Variants in MEI4 observed in about 807,000 individuals in gnomAD.
The protein encoded by MEI4 is meiotic double-stranded break formation protein 4.
A neutral mutation model predicts 31.4 loss-of-function variants in MEI4; 27 were observed. That is an observed-to-expected ratio of 0.86 (90% CI 0.63 to 1.19). The LOEUF (loss-of-function observed/expected upper bound fraction) is 1.19, where lower values mean the gene tolerates loss of function less well. MEI4 is among the 50% of genes most tolerant of loss of function. The pLI is 0.00. For synonymous variants in MEI4, 122 were observed against 145.4 expected (o/e 0.84, Z 1.16); for missense variants, 329 against 398.9 (o/e 0.82, Z 1.49).
intron 3 of MEI4, among the ~76,000 whole-genome samples, chr6:77,809,403 A>C (rs1769516380): frequency 6.6e-6 from 1 of 152,152 alleles, no homozygotes; most frequent in African/African-American, 2.4e-5. Flanking sequence ...TTTTATTTTC[A>C]AACAGATGGG....
At chr6:77,843,952 A>G (rs1488054344) in intron 4 of MEI4, among the ~76,000 whole-genome samples, 2 of 152,086 alleles carry the variant, frequency 1.3e-5, no homozygotes, top group East Asian at 1.9e-4. Context: ...AATGAGTTTA[A>G]TGGGTTTGAA....
intron 3 of MEI4, among the ~76,000 whole-genome samples, chr6:77,799,861 C>T (rs191152951): frequency 6.6e-6 from 1 of 151,872 alleles, no homozygotes; most frequent in African/African-American, 2.4e-5. Context: ...TATATCTCTG[C>T]TTTGGTACTG....
upstream of MEI4, among the ~76,000 whole-genome samples, chr6:77,651,208 G>A (rs752231799): frequency 1.7e-4 from 26 of 152,280 alleles, no homozygotes; most frequent in Admixed American, 5.9e-4. Flanking sequence ...AAAAATAAAG[G>A]CAAGAGTGAG....
At chr6:77,867,459 T>G (rs530539169) in intron 4 of MEI4, among the ~76,000 whole-genome samples, 9 of 152,218 alleles carry the variant, frequency 5.9e-5, no homozygotes, top group African/African-American at 2.2e-4. Context: ...AAAAGATACA[T>G]GAAAAAATGC....
At chr6:77,689,497 G>T (rs1241658456) in intron 1 of MEI4, among the ~76,000 whole-genome samples, 5 of 151,806 alleles carry the variant, frequency 3.3e-5, no homozygotes, top group African/African-American at 4.8e-5. Context: ...CAGATAGTTA[G>T]TTACACATCG....
At position 77,747,061 on chromosome 6, in the gene MEI4, C is replaced by T. The variant is rs1767628824; in HGVS notation, c.233-14069C>T. On this transcript the variant is annotated intron_variant, in intron 2 of 4. Transcript: ENST00000684080. ...GTGCGGTGGCTCATGTCTGTAATCCCAGTACTTTGGGAGGCTGAGGCGGGC... is the reference window on the plus strand; with the variant it reads ...GTGCGGTGGCTCATGTCTGTAATCCTAGTACTTTGGGAGGCTGAGGCGGGC... 1.3e-5 allele frequency among the ~76,000 whole-genome samples: 2 copies of T among 152,160 alleles called. 1 individual carries two copies. The highest frequency in any genetic ancestry group is 4.2e-4 in the South Asian group (2 of 4,812).
chr6:77,674,857 C>G (rs1302746064), intron 1 of MEI4, among the ~76,000 whole-genome samples: 1 of 152,004 alleles, frequency 6.6e-6, no homozygotes, highest in African/African-American at 2.4e-5. Flanking sequence ...CTATACATTT[C>G]TTTATACTTT....
chr6:77,756,326 C>T (rs1190736786), intron 2 of MEI4, among the ~76,000 whole-genome samples: 1 of 151,842 alleles, frequency 6.6e-6, no homozygotes, highest in Non-Finnish European at 1.5e-5. Flanking sequence ...TTTTTCTCTT[C>T]TAAGGACACA....
At chr6:77,735,507 G>T (rs939836189) in intron 2 of MEI4, among the ~76,000 whole-genome samples, 1 of 151,890 alleles carries the variant, frequency 6.6e-6, no homozygotes, top group African/African-American at 2.4e-5. Context: ...GCACTTCTCT[G>T]TATTGGTTAT....
intron 2 of MEI4, among the ~76,000 whole-genome samples, chr6:77,748,534 A>C (rs1767675079): frequency 6.6e-6 from 1 of 152,178 alleles, no homozygotes; most frequent in South Asian, 2.1e-4. Flanking sequence ...GGCCTAGCCC[A>C]GGAAGCCATT....
chr6:77,784,380 C>T (rs1352942691), intron 3 of MEI4, among the ~76,000 whole-genome samples: 3 of 152,208 alleles, frequency 2.0e-5, no homozygotes, highest in East Asian at 3.9e-4. Flanking sequence ...GACACTGTAT[C>T]GAGCAGGCAT....
intron 2 of MEI4, among the ~76,000 whole-genome samples, chr6:77,740,060 C>G (rs974464029): frequency 1.3e-5 from 2 of 152,020 alleles, no homozygotes; most frequent in African/African-American, 4.8e-5. Flanking sequence ...ATTATTTACC[C>G]CAAAGTCATT....
intron 4 of MEI4, among the ~76,000 whole-genome samples, chr6:77,841,735 A>T (rs1010386600): frequency 6.6e-6 from 1 of 152,184 alleles, no homozygotes; most frequent in Non-Finnish European, 1.5e-5. Context: ...TTAATAATTT[A>T]AAATAATGTA....
intron 4 of MEI4, among the ~76,000 whole-genome samples, chr6:77,882,435 G>A (rs2127728986): frequency 6.6e-6 from 1 of 152,268 alleles, no homozygotes; most frequent in East Asian, 1.9e-4. Context: ...GGCAATGCAA[G>A]CATATTGAGT....
intron 3 of MEI4, among the ~76,000 whole-genome samples, chr6:77,794,708 GA>G (rs35639379): frequency 0.17 from 25,695 of 148,558 alleles, 2,709 homozygotes; most frequent in East Asian, 0.39. Flanking sequence ...CATCCAGACA[GA>G]AAAAAAAAAT....
chr6:77,841,048 G>T (rs1273282428), intron 4 of MEI4, among the ~76,000 whole-genome samples: 2 of 152,016 alleles, frequency 1.3e-5, no homozygotes, highest in Non-Finnish European at 2.9e-5. Flanking sequence ...ATATAACAGA[G>T]AAACTTGTGA....
intron 2 of MEI4, among the ~76,000 whole-genome samples, chr6:77,714,904 A>G (rs990635929): frequency 3.9e-5 from 6 of 152,210 alleles, no homozygotes; most frequent in African/African-American, 9.6e-5. Context: ...CCTCTAGCGT[A>G]TCACCTGGAC....
intron 4 of MEI4, among the ~76,000 whole-genome samples, chr6:77,865,968 A>G (rs1771014905): frequency 6.6e-6 from 1 of 152,210 alleles, no homozygotes; most frequent in Admixed American, 6.5e-5. Context: ...AACAGAACCA[A>G]CGACAAAAAC....
intron 4 of MEI4, among the ~76,000 whole-genome samples, chr6:77,906,857 G>A (rs574995177): frequency 4.6e-5 from 7 of 152,252 alleles, no homozygotes; most frequent in African/African-American, 7.2e-5. Context: ...CTCAGAGTTC[G>A]CTGTAGATGT....
Sources: gnomAD v4.1 joint callset for allele counts (sites outside exome capture counted in the v4.1 genomes callset) on GRCh38, gnomAD v4.1.1 for gene constraint, MANE v1.5 for transcripts, NCBI Gene and HGNC (gene_info 2026-07-23, HGNC 2026-07-21) for gene names.